Variants in MOB3B observed in about 807,000 individuals in gnomAD.
MOB3B encodes MOB kinase activator-like 2B.
MOB3B carries 7 observed loss-of-function variants against 18.7 expected under a neutral mutation model. That is an observed-to-expected ratio of 0.37 (90% CI 0.21 to 0.70). The LOEUF (loss-of-function observed/expected upper bound fraction) is 0.70, where lower values mean the gene tolerates loss of function less well. MOB3B is among the 30% of genes least tolerant of loss of function. MOB3B has a pLI of 0.52. For synonymous variants in MOB3B, 111 were observed against 99.9 expected (o/e 1.11, Z -0.66); for missense variants, 253 against 281.3 (o/e 0.90, Z 0.72).
intron 1 of MOB3B, among the ~76,000 whole-genome samples, chr9:27,527,582 G>C (rs926238854): frequency 1.3e-5 from 2 of 152,178 alleles, no homozygotes; most frequent in Non-Finnish European, 2.9e-5. Flanking sequence ...TGTCTGAGTG[G>C]GTACATAGAT....
chr9:27,473,477 G>C (rs1819504765), intron 1 of MOB3B, among the ~76,000 whole-genome samples: 1 of 152,062 alleles, frequency 6.6e-6, no homozygotes, highest in South Asian at 2.1e-4. Flanking sequence ...GTCCAAGCTG[G>C]ACAAGCAGAG....
intron 2 of MOB3B, among the ~76,000 whole-genome samples, chr9:27,453,534 C>T (rs1269596166): frequency 6.6e-6 from 1 of 152,122 alleles, no homozygotes; most frequent in African/African-American, 2.4e-5. Context: ...CCAAAACCAC[C>T]TATGATGTCC....
intron 3 of MOB3B, among the ~76,000 whole-genome samples, chr9:27,351,243 A>G (rs1821101380): frequency 7.1e-6 from 1 of 140,202 alleles, no homozygotes; most frequent in African/African-American, 2.7e-5. Flanking sequence ...CTAAGCAAAG[A>G]GAAACGGTTG....
intron 2 of MOB3B, among the ~76,000 whole-genome samples, chr9:27,368,012 G>T (rs896609900): frequency 6.6e-6 from 1 of 152,032 alleles, no homozygotes; most frequent in Non-Finnish European, 1.5e-5. Flanking sequence ...TAATAAGAGG[G>T]ATGTGAAAAT....
chr9:27,333,033 T>A (rs1820810270), intron 3 of MOB3B, among the ~76,000 whole-genome samples: 1 of 152,184 alleles, frequency 6.6e-6, no homozygotes, highest in African/African-American at 2.4e-5. Flanking sequence ...CTGATGCCAG[T>A]TTGAATTATA....
chr9:27,490,045 A>G (rs1201017178), intron 1 of MOB3B, among the ~76,000 whole-genome samples: 1 of 152,104 alleles, frequency 6.6e-6, no homozygotes, highest in Non-Finnish European at 1.5e-5. Flanking sequence ...ATGCAGCCAA[A>G]TTTCAATCCA....
Position 27,466,745 on chromosome 9 carries a change from C to A in MOB3B, c.-198-10997G>T, listed in dbSNP as rs547551723. On this transcript the variant is annotated intron_variant, in intron 1 of 3. Transcript: ENST00000262244. ...GAAACCCCTGATAAACCCATCAGAT[C>A]TCGTGAGACTTATTCACTATCACAA... Among the ~76,000 whole-genome samples the A allele has an allele frequency of 9.2e-5, 14 of 152,276 alleles. No homozygotes were observed. In the East Asian group the frequency reaches 2.7e-3, roughly 29 times the overall value.
At chr9:27,523,464 C>CAAAAAAAAAAAAAA (rs55637136) in intron 1 of MOB3B, among the ~76,000 whole-genome samples, 4 of 141,682 alleles carry the variant, frequency 2.8e-5, no homozygotes, top group African/African-American at 8.0e-5. Context: ...TAAACTGCAC[C>CAAAAAAAAAAAAAA]AAAAAAAAAA....
chr9:27,437,454 T>G (rs1046318459), intron 2 of MOB3B, among the ~76,000 whole-genome samples: 1 of 152,238 alleles, frequency 6.6e-6, no homozygotes, highest in Non-Finnish European at 1.5e-5. Context: ...CTATCTTTAT[T>G]GGACATTGTG....
chr9:27,350,696 TC>T (rs1460118967), intron 3 of MOB3B, among the ~76,000 whole-genome samples: 1 of 152,178 alleles, frequency 6.6e-6, no homozygotes, highest in Non-Finnish European at 1.5e-5. Context: ...TTAGAATACA[TC>T]TGCCAAGTCT....
At chr9:27,527,280 G>C (rs1361607283) in intron 1 of MOB3B, among the ~76,000 whole-genome samples, 1 of 152,168 alleles carries the variant, frequency 6.6e-6, no homozygotes, top group Non-Finnish European at 1.5e-5. Context: ...GGTTGCTGCT[G>C]CTAAATTTCA....
At chr9:27,364,989 T>G (rs1210993614) in intron 2 of MOB3B, among the ~76,000 whole-genome samples, 2 of 152,128 alleles carry the variant, frequency 1.3e-5, no homozygotes, top group Admixed American at 6.5e-5. Flanking sequence ...ACTTATGTCT[T>G]ATATTGCTGT....
intron 2 of MOB3B, among the ~76,000 whole-genome samples, chr9:27,453,036 A>G (rs1587226330): frequency 6.6e-6 from 1 of 152,200 alleles, no homozygotes; most frequent in African/African-American, 2.4e-5. Flanking sequence ...TTAGTTGTTA[A>G]TGGGGAAGAG....
chr9:27,377,024 C>G (rs1307221460), intron 2 of MOB3B, among the ~76,000 whole-genome samples: 1 of 152,240 alleles, frequency 6.6e-6, no homozygotes, highest in African/African-American at 2.4e-5. Context: ...GGGCAAATGA[C>G]TTAGCCTCTC....
chr9:27,449,567 G>A (rs1822749473), intron 2 of MOB3B, among the ~76,000 whole-genome samples: 1 of 152,170 alleles, frequency 6.6e-6, no homozygotes, highest in Non-Finnish European at 1.5e-5. Flanking sequence ...CTATCTACAA[G>A]TCCAGTACTA....
intron 2 of MOB3B, among the ~76,000 whole-genome samples, chr9:27,382,372 A>G (rs1166759694): frequency 6.6e-6 from 1 of 152,144 alleles, no homozygotes; most frequent in East Asian, 1.9e-4. Context: ...GTTCCCCTTA[A>G]CACACTGAGT....
intron 2 of MOB3B, among the ~76,000 whole-genome samples, chr9:27,362,627 T>G (rs550207478): frequency 6.6e-6 from 1 of 152,206 alleles, no homozygotes; most frequent in Admixed American, 6.5e-5. Flanking sequence ...AGTTGAGACA[T>G]GTTCAGCATG....
chr9:27,338,561 A>AG (rs1338123698), intron 3 of MOB3B, among the ~76,000 whole-genome samples: 2 of 152,180 alleles, frequency 1.3e-5, no homozygotes, highest in African/African-American at 4.8e-5. Flanking sequence ...AAGAGAGGAG[A>AG]GAAAAAAAGA....
chr9:27,359,954 G>A (rs1166662698), intron 2 of MOB3B, among the ~76,000 whole-genome samples: 1 of 152,182 alleles, frequency 6.6e-6, no homozygotes, highest in East Asian at 1.9e-4. Flanking sequence ...GTGGTGACAT[G>A]TTGTAATGGG....
Sources: allele counts gnomAD v4.1 joint callset (sites outside exome capture counted in the v4.1 genomes callset), GRCh38; gene constraint gnomAD v4.1.1; transcripts MANE v1.5; gene names NCBI Gene and HGNC (gene_info 2026-07-23, HGNC 2026-07-21).